Variants in ROBO1 observed in about 807,000 individuals in gnomAD.
ROBO1 encodes the protein roundabout homolog 1.
A neutral mutation model predicts 195.9 loss-of-function variants in ROBO1; 149 were observed. The observed-to-expected ratio is 0.76, with a 90% CI of 0.67 to 0.87. The LOEUF is 0.87. Ranked by LOEUF, ROBO1 falls within the 40% of genes least tolerant of loss-of-function variation. The pLI, the probability that ROBO1 is intolerant of heterozygous loss-of-function variation, is 0.00. For synonymous variants in ROBO1, 816 were observed against 733.2 expected (o/e 1.11, Z -1.82); for missense variants, 1,933 against 2,068.3 (o/e 0.93, Z 1.27).
intron 4 of ROBO1, among the ~76,000 whole-genome samples, chr3:78,863,066 A>C (rs2034948519): frequency 6.6e-6 from 1 of 152,224 alleles, no homozygotes; most frequent in Non-Finnish European, 1.5e-5. Flanking sequence ...AAACAACAAC[A>C]GTGATTACGG....
intron 3 of ROBO1, among the ~76,000 whole-genome samples, chr3:79,003,557 G>T (rs1418675829): frequency 6.6e-6 from 1 of 151,938 alleles, no homozygotes; most frequent in Admixed American, 6.6e-5. Context: ...ACCCCATCAA[G>T]TAGATACTCA....
chr3:79,081,340 A>C (rs980746453), intron 3 of ROBO1, among the ~76,000 whole-genome samples: 6 of 152,016 alleles, frequency 3.9e-5, no homozygotes, highest in African/African-American at 1.4e-4. Context: ...AAATTCCCAC[A>C]CTCAGATGGC....
chr3:79,694,954 T>A (rs1312397729), intron 1 of ROBO1, among the ~76,000 whole-genome samples: 1 of 150,996 alleles, frequency 6.6e-6, no homozygotes, highest in African/African-American at 2.5e-5. Context: ...CTTATGAAAA[T>A]AATTATAATA....
chr3:79,048,157 A>G (rs2108355565), intron 3 of ROBO1, among the ~76,000 whole-genome samples: 1 of 152,232 alleles, frequency 6.6e-6, no homozygotes, highest in East Asian at 1.9e-4. Flanking sequence ...GTTTAGCCTA[A>G]GCATTAAGTA....
chr3:78,667,153 T>C (rs1212948314), intron 14 of ROBO1, among the ~76,000 whole-genome samples: 1 of 152,138 alleles, frequency 6.6e-6, no homozygotes, highest in Non-Finnish European at 1.5e-5. Flanking sequence ...ACTGAACTTA[T>C]AAATAAATAA....
At chr3:78,616,437 C>T (rs996721681) in intron 27 of ROBO1, among the ~76,000 whole-genome samples, 1 of 152,020 alleles carries the variant, frequency 6.6e-6, no homozygotes, top group Non-Finnish European at 1.5e-5. Flanking sequence ...ATATATTCTA[C>T]AATAATAAGT....
In ROBO1 at chr3:78,688,678, T is replaced by C. The variant is rs767020398; in HGVS notation, c.1140A>G (p.Pro380=). ...TCCCTTCTCTCCTCCAGAAAATAGCTGGTTGAGGATTTCCGGTTGCTTCAC... is the reference window on the plus strand; with the variant it reads ...TCCCTTCTCTCCTCCAGAAAATAGCCGGTTGAGGATTTCCGGTTGCTTCAC... ...FQCEATGNPQ[P]AIFWRREGSQ... The change falls in exon 9 of 31, where the codon CCA becomes CCG. Residue 380 remains proline (P), a synonymous_variant. Transcript: ENST00000464233. The C allele has an allele frequency of 1.9e-6, 3 of 1,606,398 alleles. No individual in the cohort carries two copies. Among genetic ancestry groups the C allele is most frequent in the Non-Finnish European group, 2.6e-6 (3 of 1,176,094 alleles).
chr3:78,673,072 T>G (rs1708159254), intron 10 of ROBO1, among the ~76,000 whole-genome samples: 1 of 152,116 alleles, frequency 6.6e-6, no homozygotes, highest in Non-Finnish European at 1.5e-5. Context: ...TTTAAGTAAT[T>G]TAAATTCAAA....
At chr3:79,651,880 T>C (rs1392840930) in intron 1 of ROBO1, among the ~76,000 whole-genome samples, 1 of 152,180 alleles carries the variant, frequency 6.6e-6, no homozygotes, top group Non-Finnish European at 1.5e-5. Context: ...AATTTATTTT[T>C]ACTGTAATTC....
At chr3:78,863,525 G>A (rs984422132) in intron 4 of ROBO1, among the ~76,000 whole-genome samples, 4 of 152,162 alleles carry the variant, frequency 2.6e-5, no homozygotes, top group African/African-American at 9.7e-5. Context: ...CTGCATGCAT[G>A]GGGTTGGGGA....
At chr3:78,861,738 C>T (rs184232153) in intron 4 of ROBO1, among the ~76,000 whole-genome samples, 222 of 152,258 alleles carry the variant, frequency 1.5e-3, no homozygotes, top group African/African-American at 5.2e-3. Flanking sequence ...GAAATAACTG[C>T]AATTTCCTTT....
chr3:79,099,830 C>A (rs1002513588), intron 3 of ROBO1, among the ~76,000 whole-genome samples: 3 of 151,624 alleles, frequency 2.0e-5, no homozygotes, highest in Middle Eastern at 3.2e-3. Flanking sequence ...CCCTAACTCC[C>A]AAAAGATCTT....
chr3:79,579,640 C>T (rs1943597843), intron 2 of ROBO1, among the ~76,000 whole-genome samples: 1 of 152,096 alleles, frequency 6.6e-6, no homozygotes, highest in Admixed American at 6.6e-5. Context: ...AATGATGCAT[C>T]TTAGAATCAT....
chr3:79,052,081 C>T (rs1378652805), intron 3 of ROBO1, among the ~76,000 whole-genome samples: 2 of 152,076 alleles, frequency 1.3e-5, no homozygotes, highest in Non-Finnish European at 2.9e-5. Flanking sequence ...GGTCTGACTG[C>T]TTGTGGGGCC....
chr3:78,994,901 C>T (rs557312823), intron 3 of ROBO1, among the ~76,000 whole-genome samples: 7 of 152,188 alleles, frequency 4.6e-5, no homozygotes, highest in Non-Finnish European at 1.0e-4. Context: ...CATTAAAACG[C>T]TAGAAGGGGC....
chr3:79,183,080 CA>C (rs1304597488), intron 2 of ROBO1, among the ~76,000 whole-genome samples: 1,731 of 64,790 alleles, frequency 0.027, 30 homozygotes, highest in African/African-American at 0.072. Context: ...GACTCCAACT[CA>C]AAAAAAAAAA....
chr3:79,527,842 T>C (rs896554602), intron 2 of ROBO1: 66 of 152,554 alleles, frequency 4.3e-4, no homozygotes, highest in African/African-American at 1.6e-3. Flanking sequence ...AATTTGTGGG[T>C]TTGTTTTGCA....
At chr3:79,021,404 G>A (rs879396291) in intron 3 of ROBO1, among the ~76,000 whole-genome samples, 1 of 152,134 alleles carries the variant, frequency 6.6e-6, no homozygotes, top group African/African-American at 2.4e-5. Context: ...TTGAATGTAC[G>A]TTAAATAAAG....
chr3:78,854,587 C>A (rs1186663094), intron 4 of ROBO1, among the ~76,000 whole-genome samples: 1 of 151,702 alleles, frequency 6.6e-6, no homozygotes, highest in Non-Finnish European at 1.5e-5. Flanking sequence ...CTTCTTTATT[C>A]ATGTCTCTAT....
Sources: gnomAD v4.1 joint callset for allele counts (sites outside exome capture counted in the v4.1 genomes callset) on GRCh38, gnomAD v4.1.1 for gene constraint, MANE v1.5 for transcripts, NCBI Gene and HGNC (gene_info 2026-07-23, HGNC 2026-07-21) for gene names.